TTLL11: variants seen among roughly 807,000 people sequenced by gnomAD.
TTLL11 encodes the protein tubulin tyrosine ligase like 11.
Under a neutral mutation model 51.7 loss-of-function variants are expected in TTLL11, and 42 were observed. The observed-to-expected ratio is 0.81, with a 90% CI of 0.64 to 1.05. The LOEUF (loss-of-function observed/expected upper bound fraction) is 1.05, where lower values mean the gene tolerates loss of function less well. Ranked by LOEUF, TTLL11 falls within the 50% of genes least tolerant of loss-of-function variation. The probability of loss-of-function intolerance (pLI) is 0.00; values close to 1 mark genes in which losing one functional copy is unlikely to be tolerated. For missense variants in TTLL11, 799 were observed against 940.4 expected, an observed-to-expected ratio of 0.85 and a Z score of 1.97; for synonymous variants, 381 against 383.5, an observed-to-expected ratio of 0.99 and a Z score of 0.08.
At chr9:122,047,591 T>A (rs963635152) in intron 1 of TTLL11, among the ~76,000 whole-genome samples, 10 of 149,704 alleles carry the variant, frequency 6.7e-5, no homozygotes, top group African/African-American at 2.5e-4. Context: ...AGAGAGTACA[T>A]GTTGTAAAAG....
At chr9:122,048,189 A>G (rs989060191) in intron 1 of TTLL11, among the ~76,000 whole-genome samples, 1 of 151,634 alleles carries the variant, frequency 6.6e-6, no homozygotes, top group Non-Finnish European at 1.5e-5. Flanking sequence ...TTTTTCAGAG[A>G]TGGGGTCTCA....
At chr9:121,887,681 G>C (rs1041053087) in intron 6 of TTLL11, among the ~76,000 whole-genome samples, 5 of 152,238 alleles carry the variant, frequency 3.3e-5, no homozygotes, top group Non-Finnish European at 5.9e-5. Context: ...ACAGCGAGGA[G>C]AGCTGGGACA....
Position 122,045,603 on chromosome 9 carries a change from A to G in TTLL11, c.463-6235T>C, listed in dbSNP as rs58809163. ...AACTCAAACAGATATTTATATACCAACATTCATAGGAGCATATTCACAATA... is the reference window on the plus strand; with the variant it reads ...AACTCAAACAGATATTTATATACCAGCATTCATAGGAGCATATTCACAATA... On this transcript the variant is annotated intron_variant, in intron 1 of 8. Transcript: ENST00000321582. 2.6e-3 allele frequency among the ~76,000 whole-genome samples: 391 copies of G among 152,296 alleles called. 3 individuals carry two copies. Among genetic ancestry groups the G allele is most frequent in the African/African-American group, 9.0e-3 (376 of 41,570 alleles).
chr9:121,907,779 G>A (rs1380808205), intron 6 of TTLL11, among the ~76,000 whole-genome samples: 11 of 152,046 alleles, frequency 7.2e-5, no homozygotes, highest in Non-Finnish European at 1.5e-4. Context: ...GTGGTGGCTC[G>A]CCATGAAAAA....
chr9:121,858,732 T>A (rs977424646), intron 8 of TTLL11, among the ~76,000 whole-genome samples: 5 of 152,200 alleles, frequency 3.3e-5, no homozygotes, highest in African/African-American at 1.2e-4. Flanking sequence ...CAGCGAGGAC[T>A]CCAAAGACCT....
At position 122,018,698 on chromosome 9, in the gene TTLL11, G is replaced by A. The variant is rs138613834; in HGVS notation, c.693+13025C>T. ...AAATGACTACTGTGGGGTTTTCAGAGTCTTATTCTGTATGCGCCAGGCCCT... is the reference window on the plus strand; with the variant it reads ...AAATGACTACTGTGGGGTTTTCAGAATCTTATTCTGTATGCGCCAGGCCCT... On this transcript the variant is annotated intron_variant, in intron 3 of 8. Coordinates refer to ENST00000321582, the MANE Select transcript of TTLL11 (RefSeq NM_001139442.2). Among the ~76,000 whole-genome samples the A allele has an allele frequency of 2.1e-3, 324 of 152,314 alleles. 2 individuals are homozygous for A. Among genetic ancestry groups the A allele is most frequent in the African/African-American group, 7.4e-3 (307 of 41,580 alleles).
intron 4 of TTLL11, among the ~76,000 whole-genome samples, chr9:121,985,911 T>C (rs1842929681): frequency 1.3e-5 from 2 of 152,186 alleles, no homozygotes; most frequent in Non-Finnish European, 2.9e-5. Flanking sequence ...CCTGTCAAAG[T>C]GTTGTCACCC....
At chr9:121,834,594 CA>C (rs1347148731) in intron 8 of TTLL11, among the ~76,000 whole-genome samples, 1 of 151,784 alleles carries the variant, frequency 6.6e-6, no homozygotes, top group Non-Finnish European at 1.5e-5. Flanking sequence ...TTTGGGAGGC[CA>C]AAGCAGGTAG....
At chr9:122,057,193 C>T (rs557100800) in intron 1 of TTLL11, among the ~76,000 whole-genome samples, 2 of 152,192 alleles carry the variant, frequency 1.3e-5, no homozygotes, top group East Asian at 1.9e-4. Flanking sequence ...AGATTTAAAT[C>T]GGTGAATAAA....
chr9:122,062,507 C>T (rs1383499136), intron 1 of TTLL11, among the ~76,000 whole-genome samples: 10 of 110,844 alleles, frequency 9.0e-5, no homozygotes, highest in African/African-American at 3.6e-4. Flanking sequence ...CTTGCTCTGT[C>T]GCCCAGGCTG....
At chr9:121,865,889 T>C (rs1302402060) in intron 7 of TTLL11, among the ~76,000 whole-genome samples, 4 of 152,218 alleles carry the variant, frequency 2.6e-5, no homozygotes, top group Non-Finnish European at 5.9e-5. Context: ...AAATAGAATA[T>C]GGCCAGACTG....
chr9:121,843,603 A>G (rs1323155633), intron 8 of TTLL11, among the ~76,000 whole-genome samples: 1 of 152,146 alleles, frequency 6.6e-6, no homozygotes, highest in Non-Finnish European at 1.5e-5. Flanking sequence ...ATTTTGGAAT[A>G]TGCCTAGAGC....
At chr9:121,836,341 T>C (rs1327702735) in intron 8 of TTLL11, among the ~76,000 whole-genome samples, 2 of 152,154 alleles carry the variant, frequency 1.3e-5, no homozygotes, top group African/African-American at 4.8e-5. Flanking sequence ...CTTTCTGTAG[T>C]TGCCCTGTGA....
intron 1 of TTLL11, among the ~76,000 whole-genome samples, chr9:122,082,163 T>A (rs1846017078): frequency 6.6e-6 from 1 of 152,098 alleles, no homozygotes; most frequent in Non-Finnish European, 1.5e-5. Context: ...CACCCAACAA[T>A]CCTAGGAATT....
At chr9:121,854,428 T>C (rs556844092) in intron 8 of TTLL11, among the ~76,000 whole-genome samples, 14 of 152,200 alleles carry the variant, frequency 9.2e-5, no homozygotes, top group African/African-American at 3.1e-4. Flanking sequence ...GTCAGTTTTT[T>C]CTTCCTTTGC....
At chr9:121,906,694 T>A (rs918907845) in intron 6 of TTLL11, among the ~76,000 whole-genome samples, 1 of 151,848 alleles carries the variant, frequency 6.6e-6, no homozygotes, top group Non-Finnish European at 1.5e-5. Flanking sequence ...GGGAAGGAGG[T>A]TCAATGCCAG....
chr9:121,895,396 TTG>T (rs902558242), intron 6 of TTLL11, among the ~76,000 whole-genome samples: 1 of 151,302 alleles, frequency 6.6e-6, no homozygotes, highest in Non-Finnish European at 1.5e-5. Context: ...GATTGTGTGT[TTG>T]TGTGACTGTG....
intron 1 of TTLL11, among the ~76,000 whole-genome samples, chr9:122,075,854 C>T (rs529431154): frequency 3.3e-5 from 5 of 152,222 alleles, no homozygotes; most frequent in Admixed American, 2.0e-4. Context: ...GACTGGGCTT[C>T]GCAATGCCAG....
chr9:121,862,768 C>T lies in TTLL11; in HGVS notation c.1734-2325G>A, dbSNP rs373027947. On this transcript the variant is annotated intron_variant, in intron 7 of 8. Transcript: ENST00000321582. The stretch of plus-strand genomic sequence containing the variant: ...AGGTTGGCTGAACTACATTCAATGC[C>T]GCTTTCAACTTTTCAAACGAATCCA... 6.6e-5 allele frequency among the ~76,000 whole-genome samples: 10 copies of T among 152,340 alleles called. No individual in the cohort carries two copies. The East Asian group carries it at 1.5e-3, about 23-fold the overall frequency.
Sources: allele counts gnomAD v4.1 joint callset (sites outside exome capture counted in the v4.1 genomes callset), GRCh38; gene constraint gnomAD v4.1.1; transcripts MANE v1.5; gene names NCBI Gene and HGNC (gene_info 2026-07-23, HGNC 2026-07-21).